Variants in ADAM22 observed in about 807,000 individuals in gnomAD.
ADAM22 encodes the protein disintegrin and metalloproteinase domain-containing protein 22.
Under a neutral mutation model 144.6 loss-of-function variants are expected in ADAM22, and 65 were observed. The ratio of observed to expected loss-of-function variants is 0.45; its 90% CI spans 0.37 to 0.55. The LOEUF (loss-of-function observed/expected upper bound fraction) is 0.55, where lower values mean the gene tolerates loss of function less well. ADAM22 is among the 20% of genes least tolerant of loss of function. The pLI, the probability that ADAM22 is intolerant of heterozygous loss-of-function variation, is 0.00. For synonymous variants in ADAM22, 391 were observed against 412.6 expected, an observed-to-expected ratio of 0.95 and a Z score of 0.63; for missense variants, 974 against 1,184.9, an observed-to-expected ratio of 0.82 and a Z score of 2.61.
chr7:88,156,710 A>G (rs569166567), intron 22 of ADAM22, among the ~76,000 whole-genome samples: 1 of 152,234 alleles, frequency 6.6e-6, no homozygotes, highest in African/African-American at 2.4e-5. Context: ...GGGATTTGCC[A>G]CCCTCCCATG....
chr7:87,977,153 A>C (rs965867385), intron 2 of ADAM22, among the ~76,000 whole-genome samples: 1 of 152,260 alleles, frequency 6.6e-6, no homozygotes, highest in African/African-American at 2.4e-5. Context: ...TGTTAGCAAC[A>C]GAAGTACAAG....
intron 3 of ADAM22, among the ~76,000 whole-genome samples, chr7:87,986,295 C>T (rs2129450589): frequency 6.6e-6 from 1 of 152,294 alleles, no homozygotes; most frequent in South Asian, 2.1e-4. Context: ...ATAACTTCTT[C>T]TCACAGACAC....
intron 22 of ADAM22, among the ~76,000 whole-genome samples, chr7:88,156,610 T>C (rs1183528772): frequency 6.6e-6 from 1 of 150,420 alleles, no homozygotes; most frequent in African/African-American, 2.4e-5. Flanking sequence ...AGGGAAGGAG[T>C]GGAGGGAAGG....
At chr7:88,138,096 G>C (rs755691246) in intron 14 of ADAM22, among the ~76,000 whole-genome samples, 1 of 152,090 alleles carries the variant, frequency 6.6e-6, no homozygotes, top group African/African-American at 2.4e-5. Flanking sequence ...TTGAGGCTGC[G>C]GTGAGCCATG....
intron 3 of ADAM22, among the ~76,000 whole-genome samples, chr7:88,027,826 CAG>C (rs773545371): frequency 2.7e-5 from 4 of 149,440 alleles, no homozygotes; most frequent in African/African-American, 7.4e-5. Context: ...TTTTCTGAGA[CAG>C]AGTCTTGCTC....
chr7:88,057,127 C>CTTTTTTT (rs75042550), intron 3 of ADAM22, among the ~76,000 whole-genome samples: 1 of 148,140 alleles, frequency 6.8e-6, no homozygotes. Flanking sequence ...ATTATTGAAT[C>CTTTTTTT]TTTTTTTTTT....
intron 4 of ADAM22, among the ~76,000 whole-genome samples, chr7:88,085,071 AC>A (rs1176309646): frequency 1.3e-5 from 2 of 152,220 alleles, no homozygotes; most frequent in African/African-American, 4.8e-5. Context: ...CCCTGTCTCT[AC>A]ATACAGTTAT....
chr7:88,090,947 T>A (rs1466055051), intron 4 of ADAM22, among the ~76,000 whole-genome samples: 2 of 152,200 alleles, frequency 1.3e-5, no homozygotes, highest in East Asian at 3.8e-4. Context: ...TCATTAATTT[T>A]CTCTGTTACT....
intron 3 of ADAM22, among the ~76,000 whole-genome samples, chr7:88,073,779 T>A (rs765974048): frequency 3.9e-5 from 6 of 152,176 alleles, no homozygotes; most frequent in Non-Finnish European, 7.3e-5. Flanking sequence ...GGACCAGAGT[T>A]GAGGTTTGGG....
chr7:87,994,404 G>A (rs895360804), intron 3 of ADAM22, among the ~76,000 whole-genome samples: 14 of 151,726 alleles, frequency 9.2e-5, no homozygotes, highest in Admixed American at 3.9e-4. Flanking sequence ...CTCGTGATCC[G>A]CCCGCCTCGG....
chr7:88,080,040 A>G (rs1188440300), intron 4 of ADAM22, among the ~76,000 whole-genome samples: 1 of 152,200 alleles, frequency 6.6e-6, no homozygotes, highest in African/African-American at 2.4e-5. Context: ...TCAACAGAAT[A>G]TACATTCTTT....
intron 2 of ADAM22, among the ~76,000 whole-genome samples, chr7:87,973,942 G>T (rs886681163): frequency 3.9e-5 from 6 of 152,020 alleles, no homozygotes; most frequent in South Asian, 4.2e-4. Flanking sequence ...CTGTTGTGGG[G>T]TAGGGGTAGG....
At chr7:88,001,322 A>G (rs1792499987) in intron 3 of ADAM22, among the ~76,000 whole-genome samples, 1 of 152,212 alleles carries the variant, frequency 6.6e-6, no homozygotes, top group Non-Finnish European at 1.5e-5. Context: ...AGGTAATTTT[A>G]TACAATCATT....
At chr7:88,031,094 C>A (rs556286023) in intron 3 of ADAM22, among the ~76,000 whole-genome samples, 1 of 151,790 alleles carries the variant, frequency 6.6e-6, no homozygotes, top group South Asian at 2.1e-4. Context: ...CCAGCCTGGG[C>A]GACAGAGCAA....
intron 3 of ADAM22, among the ~76,000 whole-genome samples, chr7:88,035,798 ACCAATTCC>A (rs1801401130): frequency 1.3e-5 from 2 of 152,300 alleles, no homozygotes; most frequent in Non-Finnish European, 2.9e-5. Context: ...GGGTCCTGGA[ACCAATTCC>A]CCAAGGATAC....
chr7:87,974,376 C>A (rs1851373476), intron 2 of ADAM22, among the ~76,000 whole-genome samples: 1 of 151,868 alleles, frequency 6.6e-6, no homozygotes, highest in Admixed American at 6.6e-5. Flanking sequence ...ATTTATCAGC[C>A]AGAAACATGG....
intron 3 of ADAM22, among the ~76,000 whole-genome samples, chr7:88,035,835 G>A (rs532484299): frequency 1.3e-5 from 2 of 152,268 alleles, no homozygotes; most frequent in South Asian, 2.1e-4. Context: ...GATTTTAGTC[G>A]TGTCAGAAAA....
rs185154767 is a variant in ADAM22 at position 88,158,792 on chromosome 7, C to G, written c.1907+2786C>G. Reference sequence around the variant, plus strand: ...AGGGCAATTTATAGCCCTAAATGCCCTCATCAAAAAGTTAGAAAGCTCTCA... The same window carrying G: ...AGGGCAATTTATAGCCCTAAATGCCGTCATCAAAAAGTTAGAAAGCTCTCA... On this transcript the variant is annotated intron_variant, in intron 22 of 31. Transcript: ENST00000413139. Among the ~76,000 whole-genome samples the G allele has an allele frequency of 2.1e-3, 325 of 152,080 alleles. 1 individual carries two copies. The highest frequency in any genetic ancestry group is 3.3e-3 in the Non-Finnish European group (227 of 67,962).
chr7:88,133,401 A>C (rs1832279649), intron 12 of ADAM22, among the ~76,000 whole-genome samples: 1 of 147,472 alleles, frequency 6.8e-6, no homozygotes, highest in South Asian at 2.2e-4. Flanking sequence ...TAAATAAATA[A>C]AATTAAAAAT....
Sources: gnomAD v4.1 joint callset for allele counts (sites outside exome capture counted in the v4.1 genomes callset) on GRCh38, gnomAD v4.1.1 for gene constraint, MANE v1.5 for transcripts, NCBI Gene and HGNC (gene_info 2026-07-23, HGNC 2026-07-21) for gene names.